HELZ: variants seen among roughly 807,000 people sequenced by gnomAD.
HELZ encodes the protein ATP-dependent RNA helicase with zinc finger domain.
HELZ carries 23 observed loss-of-function variants against 218.2 expected under a neutral mutation model. That is an observed-to-expected ratio of 0.11 (90% CI 0.08 to 0.15). HELZ has a LOEUF of 0.15. Ranked by LOEUF, HELZ falls within the 10% of genes least tolerant of loss-of-function variation. HELZ has a pLI of 1.00. For missense variants in HELZ, 1,813 were observed against 2,353.7 expected (o/e 0.77, Z 4.75); for synonymous variants, 814 against 829.4 (o/e 0.98, Z 0.32).
rs765398265 is a variant in HELZ, at chr17:67,161,010, G to C, written c.1962C>G (p.Thr654=). The part of the protein sequence containing the change: ...AKQKEAVLAI[T]TPLAIQLPPV... ...GCGGCAGCTGGATTGCAAGTGGAGT[G>C]GTAATGGCCAGAACAGCCTCTTTCT... is the stretch of plus-strand genomic sequence containing the variant. The change falls in exon 16 of 33, where the codon ACC becomes ACG. Residue 654 remains threonine, a synonymous_variant. Coordinates refer to ENST00000358691, the MANE Select transcript of HELZ (RefSeq NM_014877.4). 10 of 1,613,478 alleles carry C rather than the reference G, an allele frequency of 6.2e-6. No homozygotes were observed. In the South Asian group the frequency reaches 9.9e-5, roughly 16 times the overall value.
intron 27 of HELZ, among the ~76,000 whole-genome samples, chr17:67,115,335 T>G (rs942726051): frequency 4.6e-5 from 7 of 151,974 alleles, no homozygotes; most frequent in Admixed American, 2.0e-4. Flanking sequence ...CATCCTAATA[T>G]ATGGGTAATT....
intron 21 of HELZ, among the ~76,000 whole-genome samples, chr17:67,142,124 A>G (rs749315314): frequency 1.3e-5 from 2 of 152,196 alleles, no homozygotes; most frequent in Non-Finnish European, 2.9e-5. Context: ...AAGGCAATAA[A>G]GAAGACACAG....
At chr17:67,172,237 T>C (rs149111049) in intron 13 of HELZ, among the ~76,000 whole-genome samples, 1,647 of 152,268 alleles carry the variant, frequency 0.011, 20 homozygotes, top group South Asian at 0.017. Flanking sequence ...ACTACCCTCC[T>C]TTTCTCCACT....
chr17:67,244,942 G>A, intron 1 of HELZ: 1 of 985,958 alleles, frequency 1.0e-6, no homozygotes, highest in Non-Finnish European at 1.2e-6. Context: ...AGGGGAAGAA[G>A]CTGTAAACAG....
intron 15 of HELZ, among the ~76,000 whole-genome samples, chr17:67,165,412 C>T (rs145572971): frequency 1.6e-3 from 245 of 152,268 alleles, no homozygotes; most frequent in African/African-American, 5.7e-3. Flanking sequence ...CTTCCCCTGT[C>T]GGCCAGCTGA....
chr17:67,145,930 C>T lies in HELZ; in HGVS notation c.2622-40G>A, dbSNP rs115983300. 3.5e-4 allele frequency: 553 copies of T among 1,566,362 alleles called. 3 individuals carry two copies. In the African/African-American group the frequency reaches 7.0e-3, roughly 20 times the overall value. ...AAAAAGAAAAAAGGGGGAAAATCTA[C>T]ATCAAAATTAATTTCACCCATAAGA... On this transcript the variant is annotated intron_variant, in intron 20 of 32. Transcript: ENST00000358691.
intron 17 of HELZ, among the ~76,000 whole-genome samples, chr17:67,154,774 G>A (rs2038789367): frequency 6.6e-6 from 1 of 152,130 alleles, no homozygotes; most frequent in Non-Finnish European, 1.5e-5. Context: ...ACACAATGTA[G>A]ATAATCTAGA....
chr17:67,218,537 C>G (rs1227573641), intron 4 of HELZ, 58 bp downstream of exon 4: 2 of 1,294,508 alleles, frequency 1.5e-6, no homozygotes, highest in African/African-American at 2.9e-5. Flanking sequence ...CGTCACCCCT[C>G]AATGAAAAAG....
At chr17:67,136,546 C>T (rs566921507) in intron 22 of HELZ, among the ~76,000 whole-genome samples, 1 of 152,142 alleles carries the variant, frequency 6.6e-6, no homozygotes, top group African/African-American at 2.4e-5. Context: ...GGAAGCAACA[C>T]GAGTATCCCT....
rs780936032 is a variant in HELZ, at chr17:67,145,811, T to A, written c.2701A>T (p.Thr901Ser). Residue 901 changes from threonine to serine, a missense_variant, in exon 21 of 33, where the codon ACT (threonine) becomes TCT (serine). Thr to Ser is a moderately conservative substitution (Grantham distance 58). This residue lies in a region of HELZ where 156 missense variants were observed against 274.4 expected (regional missense o/e 0.57). Transcript: ENST00000358691. The stretch of plus-strand genomic sequence containing the variant: ...TCTTCTCCTCGTGCTGTAAAGAAAG[T>A]TAGTGGGTAGAAATCTTTGTGTGCT... ...QPAHKDFYPL[T>S]FFTARGEDVQ... 1.9e-6 allele frequency: 3 copies of A among 1,613,578 alleles called. No individual in the cohort carries two copies. The highest frequency in any genetic ancestry group is 2.5e-6 in the Non-Finnish European group (3 of 1,179,542).
At chr17:67,140,007 T>G (rs2038273161) in intron 21 of HELZ, among the ~76,000 whole-genome samples, 1 of 152,168 alleles carries the variant, frequency 6.6e-6, no homozygotes. Context: ...GCAGGAGAGC[T>G]GATCCAATGG....
intron 21 of HELZ, among the ~76,000 whole-genome samples, chr17:67,145,360 A>G (rs1338469881): frequency 1.3e-5 from 2 of 152,196 alleles, no homozygotes; most frequent in Non-Finnish European, 2.9e-5. Flanking sequence ...ATCTCTTTGG[A>G]GCATAGAATT....
At chr17:67,128,410 T>C in intron 24 of HELZ, 3 of 528,056 alleles carry the variant, frequency 5.7e-6, no homozygotes, top group Non-Finnish European at 1.0e-5. Flanking sequence ...ATATAAATGA[T>C]ACCAGAAGTT....
chr17:67,080,263 C>A (rs1368706141), intron 32 of HELZ, among the ~76,000 whole-genome samples: 1 of 152,066 alleles, frequency 6.6e-6, no homozygotes. Flanking sequence ...TTACTAAATT[C>A]TTTTGTGCAT....
At chr17:67,143,597 AGAC>A (rs2038402044) in intron 21 of HELZ, among the ~76,000 whole-genome samples, 1 of 151,896 alleles carries the variant, frequency 6.6e-6, no homozygotes, top group African/African-American at 2.4e-5. Flanking sequence ...TGACAAAGAG[AGAC>A]TCTGTCTCAA....
intron 32 of HELZ, among the ~76,000 whole-genome samples, chr17:67,086,009 C>T (rs1236122325): frequency 6.6e-6 from 1 of 152,136 alleles, no homozygotes; most frequent in Non-Finnish European, 1.5e-5. Context: ...TCTTAAATCT[C>T]AAAATGTCAG....
intron 3 of HELZ, among the ~76,000 whole-genome samples, chr17:67,220,542 G>T (rs1379025594): frequency 6.6e-6 from 1 of 152,090 alleles, no homozygotes; most frequent in Non-Finnish European, 1.5e-5. Flanking sequence ...GAGTAGAGTG[G>T]CACAATCACT....
At chr17:67,145,188 T>C (rs1430941920) in intron 21 of HELZ, among the ~76,000 whole-genome samples, 1 of 152,178 alleles carries the variant, frequency 6.6e-6, no homozygotes, top group African/African-American at 2.4e-5. Flanking sequence ...GGTTTCTGGT[T>C]TGTTAGCCCC....
At chr17:67,191,969 C>T (rs1217221199) in intron 9 of HELZ, among the ~76,000 whole-genome samples, 1 of 151,538 alleles carries the variant, frequency 6.6e-6, no homozygotes, top group Non-Finnish European at 1.5e-5. Flanking sequence ...TTTGGGAGGC[C>T]AAGGCAGGCG....
Sources: allele counts gnomAD v4.1 joint callset (sites outside exome capture counted in the v4.1 genomes callset), GRCh38; gene constraint gnomAD v4.1.1; regional missense constraint gnomAD v4.1.1; transcripts MANE v1.5; gene names NCBI Gene and HGNC (gene_info 2026-07-23, HGNC 2026-07-21).